Variants in VWA8 observed in about 807,000 individuals in gnomAD.
The protein encoded by VWA8 is von Willebrand factor A domain containing 8.
VWA8 carries 221 observed loss-of-function variants against 241.5 expected under a neutral mutation model. The observed-to-expected ratio is 0.91, with a 90% confidence interval of 0.82 to 1.02. The LOEUF (loss-of-function observed/expected upper bound fraction) is 1.02, where lower values mean the gene tolerates loss of function less well. VWA8 is among the 50% of genes least tolerant of loss of function. The probability of loss-of-function intolerance (pLI) is 0.00; values close to 1 mark genes in which losing one functional copy is unlikely to be tolerated. For synonymous variants in VWA8, 852 were observed against 827.1 expected, an observed-to-expected ratio of 1.03 and a Z score of -0.52; for missense variants, 2,322 against 2,328.7, an observed-to-expected ratio of 1.00 and a Z score of 0.06.
At chr13:41,917,306 GAA>G (rs1010112145) in intron 2 of VWA8, among the ~76,000 whole-genome samples, 1 of 147,902 alleles carries the variant, frequency 6.8e-6, no homozygotes, top group African/African-American at 2.5e-5. Flanking sequence ...TATAATGGAG[GAA>G]AAAAAAAAGT....
intron 21 of VWA8, among the ~76,000 whole-genome samples, chr13:41,760,673 T>A (rs1017931757): frequency 6.6e-6 from 1 of 151,990 alleles, no homozygotes; most frequent in African/African-American, 2.4e-5. Flanking sequence ...TACAAAATTA[T>A]CTAAAAAGTA....
rs552602696 is a variant in VWA8, at chr13:41,657,572, C to T, written c.4611+13374G>A. On this transcript the variant is annotated intron_variant, in intron 37 of 44. Transcript: ENST00000379310. ...TGGCACAATCTCGGCTCACTGCAAG[C>T]TCCGCTTCCCGGGTTCACGCCATTC... 1.9e-3 allele frequency among the ~76,000 whole-genome samples: 295 copies of T among 151,532 alleles called. 1 individual carries two copies. Among genetic ancestry groups the T allele is most frequent in the Non-Finnish European group, 2.8e-3 (188 of 67,912 alleles).
intron 2 of VWA8, among the ~76,000 whole-genome samples, chr13:41,941,181 T>C (rs1419615273): frequency 6.6e-6 from 1 of 152,214 alleles, no homozygotes; most frequent in Non-Finnish European, 1.5e-5. Context: ...TCAAAGCCTA[T>C]GCTTTTAAAG....
intron 21 of VWA8, among the ~76,000 whole-genome samples, chr13:41,745,910 A>C (rs898802728): frequency 6.6e-6 from 1 of 152,086 alleles, no homozygotes; most frequent in Admixed American, 6.6e-5. Flanking sequence ...TCAGAATATC[A>C]CTGATTTCAT....
Position 41,834,195 on chromosome 13 carries a change from CTT to C in VWA8, c.1426-666_1426-665del, listed in dbSNP as rs143754498. The stretch of plus-strand genomic sequence containing the variant: ...GCTAACAATAAAATAGTGTAACAGA[CTT>C]AAGCAAACTATTAATAGTTGTGGCA... On this transcript the variant is annotated intron_variant, in intron 12 of 44. Coordinates refer to ENST00000379310, the MANE Select transcript of VWA8 (RefSeq NM_015058.2). Among the ~76,000 whole-genome samples the C allele has an allele frequency of 2.2e-3, 338 of 152,330 alleles. 7 individuals are homozygous for C. The East Asian group carries it at 0.046, about 21-fold the overall frequency.
At chr13:41,846,523 G>A (rs1208772075) in intron 12 of VWA8, among the ~76,000 whole-genome samples, 2 of 152,168 alleles carry the variant, frequency 1.3e-5, no homozygotes, top group Non-Finnish European at 2.9e-5. Flanking sequence ...AATGACAGCT[G>A]AATCTGAATC....
intron 40 of VWA8, among the ~76,000 whole-genome samples, chr13:41,599,355 ATT>A (rs2044507657): frequency 6.6e-6 from 1 of 152,014 alleles, no homozygotes; most frequent in Non-Finnish European, 1.5e-5. Flanking sequence ...ATACTTTTCA[ATT>A]TATGTCTTAT....
At chr13:41,954,838 T>G (rs1878286729) in intron 1 of VWA8, among the ~76,000 whole-genome samples, 1 of 152,200 alleles carries the variant, frequency 6.6e-6, no homozygotes, top group African/African-American at 2.4e-5. Flanking sequence ...TGTCATCGTT[T>G]GCAACTATTT....
chr13:41,739,848 G>GTTTTTTTTTTT (rs1179107917), intron 21 of VWA8, among the ~76,000 whole-genome samples: 7 of 50,912 alleles, frequency 1.4e-4, no homozygotes, highest in Middle Eastern at 0.01. Context: ...TGTTTTTTTT[G>GTTTTTTTTTTT]TTTTTTTTGT....
intron 13 of VWA8, among the ~76,000 whole-genome samples, chr13:41,831,862 C>T (rs1438510440): frequency 2.0e-5 from 3 of 151,804 alleles, no homozygotes; most frequent in South Asian, 2.1e-4. Flanking sequence ...TCAGGTGATC[C>T]GCCCACCTCG....
At chr13:41,653,017 A>G (rs2044879117) in intron 37 of VWA8, among the ~76,000 whole-genome samples, 1 of 152,226 alleles carries the variant, frequency 6.6e-6, no homozygotes, top group African/African-American at 2.4e-5. Context: ...ATCTGGAGCT[A>G]TTTAAAGTTA....
chr13:41,646,528 G>A (rs1847783435), intron 37 of VWA8, among the ~76,000 whole-genome samples: 2 of 152,138 alleles, frequency 1.3e-5, no homozygotes, highest in African/African-American at 2.4e-5. Flanking sequence ...GTTATTAATT[G>A]GAGGAGCCAG....
At position 41,912,063 on chromosome 13, in the gene VWA8, C is replaced by T. The variant is rs766383093; in HGVS notation, c.347G>A (p.Arg116Gln). The change falls in exon 3 of 45, where the codon CGA (arginine) becomes CAA (glutamine). Residue 116 changes from arginine (R) to glutamine (Q), a missense_variant. Transcript: ENST00000379310. Reference protein sequence around the residue: ...VFLIGPPGPLRRSIAMQYLEL... With the variant: ...VFLIGPPGPLQRSIAMQYLEL... ...CAAGTACTGCATAGCAATAGAGCGT[C>T]GAAGAGGCCCAGGAGGTCCTATTAG... 8.1e-6 allele frequency: 13 copies of T among 1,598,496 alleles called. No homozygotes were observed. The highest frequency in any genetic ancestry group is 2.2e-5 in the East Asian group (1 of 44,558).
At chr13:41,615,182 A>T in intron 37 of VWA8, 98 bp from the exon 38 acceptor site, 1 of 1,240,504 alleles carries the variant, frequency 8.1e-7, no homozygotes, top group Non-Finnish European at 1.1e-6. Flanking sequence ...TCCTTAAGGT[A>T]TCACATAACC....
chr13:41,653,235 A>C (rs1471402017), intron 37 of VWA8, among the ~76,000 whole-genome samples: 1 of 152,210 alleles, frequency 6.6e-6, no homozygotes, highest in African/African-American at 2.4e-5. Context: ...AATGTAAAAA[A>C]ATCAGTAGTA....
intron 12 of VWA8, among the ~76,000 whole-genome samples, chr13:41,850,612 C>T (rs1872492502): frequency 6.6e-6 from 1 of 152,188 alleles, no homozygotes; most frequent in South Asian, 2.1e-4. Flanking sequence ...GAGTCAGGCA[C>T]CAGGCCAGTC....
chr13:41,928,993 T>C (rs1464330245), intron 2 of VWA8, among the ~76,000 whole-genome samples: 2 of 152,084 alleles, frequency 1.3e-5, no homozygotes, highest in African/African-American at 4.8e-5. Flanking sequence ...CAAAGCAGTA[T>C]ACAGATTCCA....
chr13:41,856,938 CT>C (rs921191549), intron 12 of VWA8, among the ~76,000 whole-genome samples: 2 of 150,942 alleles, frequency 1.3e-5, no homozygotes, highest in Non-Finnish European at 2.9e-5. Flanking sequence ...TGTTGGATAT[CT>C]TTTTTTGTTA....
intron 2 of VWA8, among the ~76,000 whole-genome samples, chr13:41,927,966 A>C (rs961126232): frequency 3.3e-5 from 5 of 152,228 alleles, no homozygotes; most frequent in African/African-American, 1.2e-4. Context: ...CTAATATCTA[A>C]TAAAATAGAC....
Sources: allele counts gnomAD v4.1 joint callset (sites outside exome capture counted in the v4.1 genomes callset), GRCh38; gene constraint gnomAD v4.1.1; transcripts MANE v1.5; gene names NCBI Gene and HGNC (gene_info 2026-07-23, HGNC 2026-07-21).